C8orf34: variants seen among roughly 807,000 people sequenced by gnomAD.
The protein encoded by C8orf34 is uncharacterized protein C8orf34.
Under a neutral mutation model 68.3 loss-of-function variants are expected in C8orf34, and 65 were observed. The observed-to-expected ratio is 0.95, with a 90% CI of 0.78 to 1.17. The LOEUF is 1.17. Among genes scored for constraint, C8orf34 ranks in the 50% most tolerant of loss-of-function variants. The pLI is 0.00. For missense variants in C8orf34, 664 were observed against 655.4 expected (o/e 1.01, Z -0.14); for synonymous variants, 244 against 241.2 (o/e 1.01, Z -0.11).
rs1821098015 is a variant in C8orf34, at chr8:68,704,132, C to T, written c.1242-4862C>T. ...TACATAAAAATAGGAAAAACAAAATCCTTTCCTTTAAGACACTTGCAGTGT... is the reference window on the plus strand; with the variant it reads ...TACATAAAAATAGGAAAAACAAAATTCTTTCCTTTAAGACACTTGCAGTGT... On this transcript the variant is annotated intron_variant, in intron 8 of 13. Coordinates refer to ENST00000518698, the MANE Select transcript of C8orf34 (RefSeq NM_052958.4). Among the ~76,000 whole-genome samples, 3 of 152,204 alleles carry T rather than the reference C, an allele frequency of 2.0e-5. No individual in the cohort carries two copies. The South Asian group carries it at 6.2e-4, about 32-fold the overall frequency.
At chr8:68,418,676 G>T (rs1419000476) in intron 1 of C8orf34, among the ~76,000 whole-genome samples, 2 of 152,054 alleles carry the variant, frequency 1.3e-5, no homozygotes, top group African/African-American at 2.4e-5. Flanking sequence ...GAATAACACC[G>T]CATATCTACA....
chr8:68,484,357 T>G (rs1330718522), intron 4 of C8orf34, among the ~76,000 whole-genome samples: 4 of 152,334 alleles, frequency 2.6e-5, no homozygotes, highest in South Asian at 2.1e-4. Context: ...ACATGAGATT[T>G]GGGCAGGACA....
intron 6 of C8orf34, chr8:68,530,610 G>T: frequency 7.9e-7 from 1 of 1,262,108 alleles, no homozygotes. Context: ...GACACGTAAT[G>T]CAATGATGCA....
In C8orf34 at chr8:68,446,354, C is replaced by T. The variant is rs1320479906; in HGVS notation, c.501C>T (p.Phe167=). The T allele has an allele frequency of 3.7e-6, 6 of 1,601,988 alleles. No individual in the cohort carries two copies. The highest frequency in any genetic ancestry group is 5.1e-6 in the Non-Finnish European group (6 of 1,176,792). Residue 167 remains phenylalanine, a synonymous_variant, in exon 3 of 14, where the codon TTC becomes TTT. Transcript: ENST00000518698. ...KSESKGTRRD[F]RSYDKPWQLN... is the part of the protein sequence containing the mutation. The stretch of plus-strand genomic sequence containing the variant: ...AATCCAAAGGAACAAGAAGGGATTT[C>T]AGAAGCTATGATAAACCTTGGCAAT...
chr8:68,472,320 G>T (rs1418332446), intron 4 of C8orf34, among the ~76,000 whole-genome samples: 1 of 151,996 alleles, frequency 6.6e-6, no homozygotes, highest in Non-Finnish European at 1.5e-5. Flanking sequence ...TCAAGTGTTT[G>T]CCCCCATCTC....
chr8:68,492,404 A>T (rs954632088), intron 5 of C8orf34, among the ~76,000 whole-genome samples: 2 of 151,606 alleles, frequency 1.3e-5, no homozygotes, highest in African/African-American at 4.8e-5. Flanking sequence ...TAATTTTTTA[A>T]TTTTTTTAGA....
intron 12 of C8orf34, among the ~76,000 whole-genome samples, chr8:68,814,065 T>C (rs1344807621): frequency 6.6e-6 from 1 of 152,212 alleles, no homozygotes; most frequent in Non-Finnish European, 1.5e-5. Context: ...CTTGTTTTGG[T>C]ACCCAGACAC....
chr8:68,767,993 A>T (rs2129528264), intron 10 of C8orf34, among the ~76,000 whole-genome samples: 1 of 152,324 alleles, frequency 6.6e-6, no homozygotes, highest in African/African-American at 2.4e-5. Context: ...TACAGTTCTG[A>T]TAGGAAAGTA....
chr8:68,711,279 A>T (rs907092069), intron 9 of C8orf34, among the ~76,000 whole-genome samples: 2 of 152,122 alleles, frequency 1.3e-5, no homozygotes, highest in African/African-American at 4.8e-5. Flanking sequence ...CCCTCAAAAG[A>T]TCATACGAGC....
At chr8:68,780,605 T>C (rs1823647335) in intron 11 of C8orf34, among the ~76,000 whole-genome samples, 1 of 152,172 alleles carries the variant, frequency 6.6e-6, no homozygotes, top group Non-Finnish European at 1.5e-5. Flanking sequence ...CCAAAATAAA[T>C]GGGCTTCATA....
At chr8:68,601,301 A>G (rs1277856379) in intron 7 of C8orf34, among the ~76,000 whole-genome samples, 1 of 151,944 alleles carries the variant, frequency 6.6e-6, no homozygotes, top group Non-Finnish European at 1.5e-5. Flanking sequence ...CTCAAGCATT[A>G]TTTCTTCAAA....
chr8:68,466,738 CATAT>C (rs35661495), intron 3 of C8orf34, among the ~76,000 whole-genome samples: 5 of 120,626 alleles, frequency 4.1e-5, no homozygotes, highest in African/African-American at 7.4e-5. Flanking sequence ...CAACGTTGTA[CATAT>C]ATATATATAT....
chr8:68,348,707 T>C (rs1423654525), intron 1 of C8orf34, among the ~76,000 whole-genome samples: 8 of 151,978 alleles, frequency 5.3e-5, no homozygotes, highest in African/African-American at 1.9e-4. Context: ...TCCTAAGTAT[T>C]TTATTGTTTT....
chr8:68,530,466 C>G (rs1489284781), intron 6 of C8orf34: 2 of 229,954 alleles, frequency 8.7e-6, no homozygotes, highest in Admixed American at 9.8e-5. Flanking sequence ...GGTGTTAATT[C>G]AGCTTAACAT....
intron 7 of C8orf34, among the ~76,000 whole-genome samples, chr8:68,590,611 C>A (rs923477856): frequency 6.6e-6 from 1 of 152,162 alleles, no homozygotes; most frequent in Non-Finnish European, 1.5e-5. Flanking sequence ...AATCATTAAA[C>A]TTTTAAAAAT....
chr8:68,678,200 C>T (rs906784344), intron 8 of C8orf34, among the ~76,000 whole-genome samples: 6 of 140,380 alleles, frequency 4.3e-5, no homozygotes, highest in Non-Finnish European at 7.7e-5. Flanking sequence ...TGGAATACTT[C>T]CAAACTCATT....
intron 8 of C8orf34, among the ~76,000 whole-genome samples, chr8:68,650,040 A>G: frequency 7.1e-6 from 1 of 140,336 alleles, no homozygotes; most frequent in East Asian, 2.1e-4. Flanking sequence ...AATTCAGAGA[A>G]GTCACAGTAT....
At chr8:68,554,728 G>A (rs1816198642) in intron 7 of C8orf34, among the ~76,000 whole-genome samples, 1 of 152,058 alleles carries the variant, frequency 6.6e-6, no homozygotes, top group South Asian at 2.1e-4. Flanking sequence ...AGGCAAATGA[G>A]GCTCAAAGAC....
chr8:68,744,469 G>T (rs1170956698), intron 10 of C8orf34, among the ~76,000 whole-genome samples: 1 of 151,882 alleles, frequency 6.6e-6, no homozygotes, highest in Non-Finnish European at 1.5e-5. Context: ...CAAAGGCAAA[G>T]AAGTTGAAAA....
Sources: gnomAD v4.1 joint callset for allele counts (sites outside exome capture counted in the v4.1 genomes callset) on GRCh38, gnomAD v4.1.1 for gene constraint, MANE v1.5 for transcripts, NCBI Gene and HGNC (gene_info 2026-07-23, HGNC 2026-07-21) for gene names.